FZD3: variants seen among roughly 807,000 people sequenced by gnomAD.
FZD3 encodes frizzled class receptor 3, also known as frizzled-3.
In FZD3, 30 loss-of-function variants were observed where a neutral mutation model predicts 60.7. The observed-to-expected ratio is 0.49, with a 90% confidence interval of 0.37 to 0.67. The LOEUF is 0.67. Ranked by LOEUF, FZD3 falls within the 30% of genes least tolerant of loss-of-function variation. The pLI is 0.00. For synonymous variants in FZD3, 246 were observed against 275.2 expected (o/e 0.89, Z 1.05); for missense variants, 605 against 838.7 (o/e 0.72, Z 3.44).
intron 4 of FZD3, among the ~76,000 whole-genome samples, chr8:28,522,433 AC>A (rs1804606518): frequency 6.6e-6 from 1 of 152,112 alleles, no homozygotes; most frequent in African/African-American, 2.4e-5. Context: ...TCTGTTTCGC[AC>A]CTATTTTACC....
At chr8:28,552,850 C>A (rs1805438630) in intron 6 of FZD3, among the ~76,000 whole-genome samples, 1 of 151,400 alleles carries the variant, frequency 6.6e-6, no homozygotes, top group African/African-American at 2.4e-5. Context: ...AACAATGGAT[C>A]AAAAATATTT....
At position 28,564,335 on chromosome 8, in the gene FZD3, G is replaced by A. The variant is rs1169092060; in HGVS notation, c.*1324G>A. 6.7e-6 allele frequency: 1 copy of A among 149,898 alleles called. No individual in the cohort carries two copies. Among genetic ancestry groups the A allele is most frequent in the Non-Finnish European group, 1.5e-5 (1 of 67,748 alleles). The allele number at this position is 149,898 out of a possible 1,614,324, so 9.3% of individuals were successfully genotyped here. On this transcript the variant is annotated 3_prime_UTR_variant, in exon 8 of 8. Transcript: ENST00000240093. Reference sequence around the variant, plus strand: ...ACATGCTTGATGTATTATGTAAAAAGCATATTTAAACAAGGGTCCTCAACC... The same window carrying A: ...ACATGCTTGATGTATTATGTAAAAAACATATTTAAACAAGGGTCCTCAACC...
chr8:28,502,274 AAC>A (rs1296026805), intron 2 of FZD3, among the ~76,000 whole-genome samples: 1 of 152,224 alleles, frequency 6.6e-6, no homozygotes, highest in Non-Finnish European at 1.5e-5. Flanking sequence ...TAAAGATTAA[AAC>A]ACATGCAATT....
chr8:28,513,007 GATTAAT>G (rs954007067), intron 3 of FZD3, among the ~76,000 whole-genome samples: 4 of 151,990 alleles, frequency 2.6e-5, no homozygotes, highest in African/African-American at 9.7e-5. Context: ...TTTTTGTTGA[GATTAAT>G]ATTAATAAGG....
At chr8:28,545,822 A>G (rs1352398088) in intron 5 of FZD3, among the ~76,000 whole-genome samples, 1 of 152,246 alleles carries the variant, frequency 6.6e-6, no homozygotes, top group Non-Finnish European at 1.5e-5. Flanking sequence ...GTCATATTTA[A>G]TATATGTATA....
intron 3 of FZD3, among the ~76,000 whole-genome samples, chr8:28,518,717 A>G (rs904194433): frequency 3.3e-5 from 5 of 152,102 alleles, no homozygotes; most frequent in Admixed American, 6.5e-5. Flanking sequence ...TTTTGTCTCT[A>G]TAGCCTCACA....
At chr8:28,546,327 G>T (rs1805292018) in intron 5 of FZD3, among the ~76,000 whole-genome samples, 1 of 152,202 alleles carries the variant, frequency 6.6e-6, no homozygotes. Context: ...GCTTGAAAAT[G>T]ACCATCGAAA....
chr8:28,529,795 T>C (rs1322479838), intron 5 of FZD3, among the ~76,000 whole-genome samples: 1 of 152,158 alleles, frequency 6.6e-6, no homozygotes. Context: ...CCAGAACTGC[T>C]TACTAAAAAC....
chr8:28,514,422 C>A (rs1804369914), intron 3 of FZD3, among the ~76,000 whole-genome samples: 1 of 152,010 alleles, frequency 6.6e-6, no homozygotes, highest in South Asian at 2.1e-4. Context: ...GTAAACTGCC[C>A]TCATATAAAG....
At chr8:28,525,855 A>G (rs1270876824) in intron 4 of FZD3, among the ~76,000 whole-genome samples, 1 of 152,166 alleles carries the variant, frequency 6.6e-6, no homozygotes, top group Non-Finnish European at 1.5e-5. Context: ...AAATGAGAAG[A>G]GTTCGGTTTC....
intron 5 of FZD3, among the ~76,000 whole-genome samples, chr8:28,531,742 A>G (rs890586315): frequency 6.6e-6 from 1 of 151,896 alleles, no homozygotes; most frequent in Admixed American, 6.6e-5. Context: ...TTTCTCTGTG[A>G]TTTACCTATT....
At chr8:28,528,964 G>A (rs952512748) in intron 5 of FZD3, among the ~76,000 whole-genome samples, 1 of 152,072 alleles carries the variant, frequency 6.6e-6, no homozygotes, top group African/African-American at 2.4e-5. Flanking sequence ...AGTCTTACTA[G>A]AATGCAGTGG....
chr8:28,495,976 T>G (rs1803834303), intron 1 of FZD3, among the ~76,000 whole-genome samples: 1 of 152,124 alleles, frequency 6.6e-6, no homozygotes, highest in Non-Finnish European at 1.5e-5. Context: ...TCTCCATCTC[T>G]CCTAAATCGT....
At chr8:28,530,735 G>A (rs989237529) in intron 5 of FZD3, among the ~76,000 whole-genome samples, 3 of 151,926 alleles carry the variant, frequency 2.0e-5, no homozygotes, top group Non-Finnish European at 1.5e-5. Flanking sequence ...AACCATCATC[G>A]TGAATTTGGA....
intron 7 of FZD3, among the ~76,000 whole-genome samples, chr8:28,558,584 C>A (rs1178962008): frequency 2.0e-5 from 3 of 152,010 alleles, no homozygotes; most frequent in African/African-American, 7.2e-5. Context: ...GCATGTGCCA[C>A]CACGCTCAGC....
chr8:28,562,396 C>G (rs1805629207), intron 7 of FZD3, among the ~76,000 whole-genome samples: 2 of 152,110 alleles, frequency 1.3e-5, no homozygotes, highest in African/African-American at 4.8e-5. Context: ...ATGTACCCCT[C>G]TACTGATTAT....
At chr8:28,534,827 T>A (rs1279050128) in intron 5 of FZD3, among the ~76,000 whole-genome samples, 1 of 152,210 alleles carries the variant, frequency 6.6e-6, no homozygotes, top group Non-Finnish European at 1.5e-5. Flanking sequence ...GATGTGAAAT[T>A]TTTATATTGA....
At chr8:28,510,794 T>A (rs1317297679) in intron 3 of FZD3, among the ~76,000 whole-genome samples, 31 of 152,244 alleles carry the variant, frequency 2.0e-4, no homozygotes, top group Admixed American at 1.1e-3. Context: ...CTGAGCACTT[T>A]GGGAGGCCGA....
chr8:28,507,183 G>C (rs1283783932), intron 3 of FZD3, among the ~76,000 whole-genome samples: 2 of 151,642 alleles, frequency 1.3e-5, no homozygotes, highest in African/African-American at 2.4e-5. Context: ...TTCTAATCAG[G>C]GTTCATACAT....
Sources: gnomAD v4.1 joint callset for allele counts (sites outside exome capture counted in the v4.1 genomes callset) on GRCh38, gnomAD v4.1.1 for gene constraint, MANE v1.5 for transcripts, NCBI Gene and HGNC (gene_info 2026-07-23, HGNC 2026-07-21) for gene names.